Variants in FOXN3 observed in about 807,000 individuals in gnomAD.
The protein encoded by FOXN3 is forkhead box N3, also known as forkhead box protein N3.
In FOXN3, 7 loss-of-function variants were observed where a neutral mutation model predicts 38.4. The observed-to-expected ratio is 0.18, with a 90% CI of 0.10 to 0.34. The LOEUF is 0.34. Among genes scored for constraint, FOXN3 ranks in the 10% least tolerant of loss-of-function variants. The pLI is 1.00. For synonymous variants in FOXN3, 230 were observed against 242.2 expected (o/e 0.95, Z 0.47); for missense variants, 456 against 613.4 (o/e 0.74, Z 2.71).
In FOXN3 at chr14:89,312,827, A is replaced by T. The variant is rs181694165; in HGVS notation, c.681-31813T>A. Among the ~76,000 whole-genome samples the T allele has an allele frequency of 2.0e-5, 3 of 152,296 alleles. No homozygotes were observed. The East Asian group carries it at 5.8e-4, about 29-fold the overall frequency. On this transcript the variant is annotated intron_variant, in intron 3 of 5. Coordinates refer to ENST00000557258, the MANE Select transcript of FOXN3 (RefSeq NM_005197.4). ...TAAAGACAGGACCACAGAGGTTATG[A>T]GCACTCGCAGTGATACCTCAACCCA...
At chr14:89,281,050 C>T (rs141079988) in intron 3 of FOXN3, 36 bp from the exon 4 acceptor site, 16,907 of 1,575,428 alleles carry the variant, frequency 0.011, 111 homozygotes, top group Non-Finnish European at 0.012. Context: ...AGGCCAAGTT[C>T]ATCTGCACTC....
rs2139938361 is a variant in FOXN3, at chr14:89,294,634, A to T, written c.681-13620T>A. On this transcript the variant is annotated intron_variant, in intron 3 of 5. Coordinates refer to ENST00000557258, the MANE Select transcript of FOXN3 (RefSeq NM_005197.4). Reference sequence around the variant, plus strand: ...AACAGATTGCATTAAAGCCAGCTGAAACCCACCGAACCAAGATGGCAATGA... The same window carrying T: ...AACAGATTGCATTAAAGCCAGCTGATACCCACCGAACCAAGATGGCAATGA... 2.6e-5 allele frequency among the ~76,000 whole-genome samples: 4 copies of T among 152,236 alleles called. 1 individual carries two copies. The Middle Eastern group carries it at 0.01, about 388-fold the overall frequency.
At chr14:89,290,738 C>A in intron 3 of FOXN3, 1 of 332,606 alleles carries the variant, frequency 3.0e-6, no homozygotes, top group Non-Finnish European at 5.8e-6. Flanking sequence ...CTCCGTGAGC[C>A]TGCAGGCTGG....
chr14:89,401,908 G>A (rs558447593), intron 2 of FOXN3, among the ~76,000 whole-genome samples: 25 of 152,280 alleles, frequency 1.6e-4, no homozygotes, highest in Non-Finnish European at 2.1e-4. Context: ...TAATTGGAGA[G>A]CTTTTTCCCC....
intron 1 of FOXN3, among the ~76,000 whole-genome samples, chr14:89,562,669 A>G (rs1895273134): frequency 1.3e-5 from 2 of 152,194 alleles, no homozygotes; most frequent in Admixed American, 1.3e-4. Context: ...TAGACCTTCA[A>G]AGGGTTATTA....
chr14:89,464,352 G>A (rs1332166044), intron 1 of FOXN3, among the ~76,000 whole-genome samples: 1 of 152,098 alleles, frequency 6.6e-6, no homozygotes, highest in Non-Finnish European at 1.5e-5. Flanking sequence ...CCTGATTCAT[G>A]GCCAAGAGCA....
chr14:89,230,820 TAC>T, intron 4 of FOXN3: 1 of 455,096 alleles, frequency 2.2e-6, no homozygotes, highest in African/African-American at 2.0e-5. Flanking sequence ...TAACCCTCCT[TAC>T]AGTGTTCAGC....
intron 3 of FOXN3, among the ~76,000 whole-genome samples, chr14:89,283,449 C>G (rs1337091199): frequency 6.6e-6 from 1 of 152,100 alleles, no homozygotes; most frequent in Non-Finnish European, 1.5e-5. Flanking sequence ...TGGAGATGTC[C>G]CTGGATGATT....
At chr14:89,214,743 G>GT (rs950793526) in intron 4 of FOXN3, among the ~76,000 whole-genome samples, 3 of 152,160 alleles carry the variant, frequency 2.0e-5, no homozygotes, top group African/African-American at 7.2e-5. Context: ...TTGTCAGACT[G>GT]TTTTTTTCTC....
intron 4 of FOXN3, among the ~76,000 whole-genome samples, chr14:89,262,481 A>G (rs1472168898): frequency 6.6e-6 from 1 of 152,216 alleles, no homozygotes; most frequent in African/African-American, 2.4e-5. Context: ...TAGACATTGG[A>G]GAGGGGAAAG....
In FOXN3 at chr14:89,350,652, A is replaced by T. The variant is rs771434079; in HGVS notation, c.680+20T>A. ...AATGCCATTTCAGTAGACCAAAAAA[A>T]AGAAGTCTGAATTGCTTACCTTTGA... On this transcript the variant is annotated intron_variant, in intron 3 of 5. Transcript: ENST00000557258. 6.7e-7 allele frequency: 1 copy of T among 1,493,284 alleles called. No homozygotes were observed. Among genetic ancestry groups the T allele is most frequent in the Non-Finnish European group, 8.9e-7 (1 of 1,123,294 alleles). 92.5% of individuals were successfully genotyped at this position (1,493,284 alleles called of 1,614,324 possible).
At chr14:89,242,540 GAAT>G (rs528925917) in intron 4 of FOXN3, among the ~76,000 whole-genome samples, 5 of 151,842 alleles carry the variant, frequency 3.3e-5, no homozygotes, top group Admixed American at 6.6e-5. Context: ...AAAGAGCTAT[GAAT>G]AATAATAATA....
At chr14:89,524,869 C>T (rs1894403911) in intron 1 of FOXN3, among the ~76,000 whole-genome samples, 1 of 152,056 alleles carries the variant, frequency 6.6e-6, no homozygotes, top group African/African-American at 2.4e-5. Flanking sequence ...CCAGATATCA[C>T]CTTTTGTCAG....
At chr14:89,232,358 G>A (rs1008672348) in intron 4 of FOXN3, among the ~76,000 whole-genome samples, 5 of 152,126 alleles carry the variant, frequency 3.3e-5, no homozygotes, top group Non-Finnish European at 5.9e-5. Flanking sequence ...AATAGACCCC[G>A]AGTGCTTTAA....
chr14:89,426,803 G>C (rs1892040176), intron 1 of FOXN3, among the ~76,000 whole-genome samples: 1 of 152,160 alleles, frequency 6.6e-6, no homozygotes, highest in African/African-American at 2.4e-5. Flanking sequence ...GTAAATGATG[G>C]GGCTGGGAAT....
intron 1 of FOXN3, among the ~76,000 whole-genome samples, chr14:89,550,683 C>A (rs1894986160): frequency 6.6e-6 from 1 of 152,184 alleles, no homozygotes; most frequent in South Asian, 2.1e-4. Flanking sequence ...CCAGCTCATA[C>A]CACATCAGTC....
In FOXN3 at chr14:89,229,526, A is replaced by C. The variant is rs1419466930; in HGVS notation, c.746-48720T>G. Reference sequence around the variant, plus strand: ...CCATCTTCACCCAAGTACACACTGTAATGACACCCTAGTTGCAGAAGTTAG... The same window carrying C: ...CCATCTTCACCCAAGTACACACTGTCATGACACCCTAGTTGCAGAAGTTAG... On this transcript the variant is annotated intron_variant, in intron 4 of 5. Transcript: ENST00000557258. Among the ~76,000 whole-genome samples, 7 of 152,228 alleles carry C rather than the reference A, an allele frequency of 4.6e-5. No homozygotes were observed. The East Asian group carries it at 1.3e-3, about 29-fold the overall frequency.
In FOXN3 at chr14:89,181,327, C is replaced by T. The variant is rs148100557; in HGVS notation, c.746-521G>A. On this transcript the variant is annotated intron_variant, in intron 4 of 5. Coordinates refer to ENST00000557258, the MANE Select transcript of FOXN3 (RefSeq NM_005197.4). The stretch of plus-strand genomic sequence containing the variant: ...AAAAACCCCAACACTGTAGGAAAGA[C>T]ACCTGGTGACCAACAAAAGCACCTC... Among the ~76,000 whole-genome samples the T allele has an allele frequency of 2.7e-3, 417 of 152,298 alleles. 4 individuals are homozygous for T. Among genetic ancestry groups the T allele is most frequent in the Admixed American group, 8.4e-3 (129 of 15,302 alleles).
chr14:89,463,056 C>T (rs1374148839), intron 1 of FOXN3, among the ~76,000 whole-genome samples: 130 of 151,252 alleles, frequency 8.6e-4, no homozygotes, highest in African/African-American at 3.0e-3. Context: ...TTTGGGAGGC[C>T]AAGGAGGGCG....
Sources: allele counts gnomAD v4.1 joint callset (sites outside exome capture counted in the v4.1 genomes callset), GRCh38; gene constraint gnomAD v4.1.1; transcripts MANE v1.5; gene names NCBI Gene and HGNC (gene_info 2026-07-23, HGNC 2026-07-21).